Variants in ADAM18 observed in about 807,000 individuals in gnomAD.
ADAM18 encodes ADAM metallopeptidase domain 18.
In ADAM18, 117 loss-of-function variants were observed where a neutral mutation model predicts 94.4. The observed-to-expected ratio is 1.24, with a 90% CI of 1.07 to 1.45. The LOEUF is 1.45. Among genes scored for constraint, ADAM18 ranks in the 40% most tolerant of loss-of-function variants. The probability of loss-of-function intolerance (pLI) is 0.00; values close to 1 mark genes in which losing one functional copy is unlikely to be tolerated. For synonymous variants in ADAM18, 327 were observed against 291.6 expected (o/e 1.12, Z -1.24); for missense variants, 936 against 880.0 (o/e 1.06, Z -0.81).
chr8:39,632,360 T>C (rs148909725), intron 7 of ADAM18, among the ~76,000 whole-genome samples: 32 of 152,164 alleles, frequency 2.1e-4, no homozygotes, highest in Non-Finnish European at 4.3e-4. Flanking sequence ...TTTTGGTAGG[T>C]GATCTTTATA....
chr8:39,680,774 C>T (rs1389039691), intron 16 of ADAM18, among the ~76,000 whole-genome samples: 2 of 152,102 alleles, frequency 1.3e-5, no homozygotes, highest in Non-Finnish European at 2.9e-5. Flanking sequence ...GTTAATCTTG[C>T]AATATAAGGG....
intron 12 of ADAM18, among the ~76,000 whole-genome samples, chr8:39,655,774 A>G (rs1820666524): frequency 6.6e-6 from 1 of 152,086 alleles, no homozygotes; most frequent in Non-Finnish European, 1.5e-5. Context: ...GCACGTATAA[A>G]TGAATTTATC....
intron 16 of ADAM18, among the ~76,000 whole-genome samples, chr8:39,690,802 T>G (rs543073179): frequency 1.3e-5 from 2 of 152,176 alleles, no homozygotes; most frequent in African/African-American, 4.8e-5. Context: ...GTTTGGAGAT[T>G]TCTCAAAGAA....
At chr8:39,613,291 C>A (rs894321245) in intron 6 of ADAM18, among the ~76,000 whole-genome samples, 1 of 152,174 alleles carries the variant, frequency 6.6e-6, no homozygotes, top group Non-Finnish European at 1.5e-5. Flanking sequence ...AGGTACTTAA[C>A]CTTGATGGGC....
At chr8:39,626,350 G>C (rs1392445254) in intron 6 of ADAM18, among the ~76,000 whole-genome samples, 1 of 151,712 alleles carries the variant, frequency 6.6e-6, no homozygotes, top group Non-Finnish European at 1.5e-5. Context: ...TCTTTTCAAA[G>C]AACCAAGTTT....
chr8:39,607,476 G>A (rs372205890), intron 3 of ADAM18, among the ~76,000 whole-genome samples: 14 of 152,074 alleles, frequency 9.2e-5, no homozygotes, highest in African/African-American at 3.1e-4. Context: ...CTTAATTCAC[G>A]TTTACTTTTC....
In ADAM18 at chr8:39,633,456, A is replaced by G. The variant is rs113777361; in HGVS notation, c.589-3808A>G. Among the ~76,000 whole-genome samples, 7 of 152,268 alleles carry G rather than the reference A, an allele frequency of 4.6e-5. 1 individual carries two copies. The highest frequency in any genetic ancestry group is 1.7e-4 in the African/African-American group (7 of 41,566). On this transcript the variant is annotated intron_variant, in intron 7 of 19. Coordinates refer to ENST00000265707, the MANE Select transcript of ADAM18 (RefSeq NM_014237.3). ...ATTAGTGGTTATGAACAGTTTTTAG[A>G]AATTACTTAAGTGGTCATGAACAGA...
intron 10 of ADAM18, among the ~76,000 whole-genome samples, chr8:39,639,661 C>T (rs992645977): frequency 1.3e-5 from 2 of 151,980 alleles, no homozygotes; most frequent in Admixed American, 6.6e-5. Context: ...AGATTTTAAT[C>T]TTAGTTCAAT....
chr8:39,719,883 A>T (rs1179091877), intron 18 of ADAM18, among the ~76,000 whole-genome samples: 1 of 151,512 alleles, frequency 6.6e-6, no homozygotes, highest in Non-Finnish European at 1.5e-5. Flanking sequence ...CACATAAATC[A>T]GCTATTATAC....
chr8:39,699,686 A>G (rs1321325675), intron 17 of ADAM18, among the ~76,000 whole-genome samples: 7 of 152,160 alleles, frequency 4.6e-5, no homozygotes. Flanking sequence ...CTGCTGATTG[A>G]ATACAAGTGT....
intron 6 of ADAM18, among the ~76,000 whole-genome samples, chr8:39,628,537 C>T (rs1819839082): frequency 6.6e-6 from 1 of 151,958 alleles, no homozygotes; most frequent in South Asian, 2.1e-4. Flanking sequence ...AACAGAGACT[C>T]TATCCAGTAA....
intron 17 of ADAM18, among the ~76,000 whole-genome samples, chr8:39,698,455 T>C (rs1294809708): frequency 6.6e-6 from 1 of 152,034 alleles, no homozygotes; most frequent in African/African-American, 2.4e-5. Flanking sequence ...GTATTATCTT[T>C]TATTGTATTG....
chr8:39,726,255 T>G (rs1822904053), intron 19 of ADAM18, among the ~76,000 whole-genome samples: 1 of 127,728 alleles, frequency 7.8e-6, no homozygotes, highest in Non-Finnish European at 1.6e-5. Context: ...TTGTATGAGA[T>G]CTACACACAC....
At chr8:39,644,034 A>G in intron 10 of ADAM18, among the ~76,000 whole-genome samples, 1 of 151,982 alleles carries the variant, frequency 6.6e-6, no homozygotes. Context: ...TCATATTGCC[A>G]ATTCTGTGTT....
intron 2 of ADAM18, among the ~76,000 whole-genome samples, chr8:39,598,537 G>A (rs529547759): frequency 6.6e-6 from 1 of 152,174 alleles, no homozygotes; most frequent in Non-Finnish European, 1.5e-5. Flanking sequence ...AAAGGCCAAG[G>A]CAGGTGGATC....
At chr8:39,645,201 A>G in intron 10 of ADAM18, 137 bp from the exon 11 acceptor site, 2 of 709,166 alleles carry the variant, frequency 2.8e-6, no homozygotes, top group South Asian at 2.3e-5. Flanking sequence ...AATAAATGGC[A>G]TACCAAAATA....
intron 19 of ADAM18, 77 bp downstream of exon 19, chr8:39,723,984 T>A: frequency 4.6e-6 from 4 of 867,622 alleles, no homozygotes; most frequent in African/African-American, 1.8e-5. Flanking sequence ...TTATATAACA[T>A]TTGTTATATT....
At chr8:39,594,793 G>GTTTTTTTTTTTTTTTTTTTTTTTTTTA (rs71237182) in intron 2 of ADAM18, among the ~76,000 whole-genome samples, 5 of 46,870 alleles carry the variant, frequency 1.1e-4, no homozygotes, top group Non-Finnish European at 2.0e-4. Flanking sequence ...TTTGCTGTGA[G>GTTTTTTTTTTTTTTTTTTTTTTTTTTA]TTTTTTTTTT....
At chr8:39,590,906 G>A (rs1366679762) in intron 2 of ADAM18, among the ~76,000 whole-genome samples, 1 of 152,130 alleles carries the variant, frequency 6.6e-6, no homozygotes, top group Non-Finnish European at 1.5e-5. Flanking sequence ...GTTCAAAACT[G>A]AAAGTTCCAG....
Sources: gnomAD v4.1 joint callset for allele counts (sites outside exome capture counted in the v4.1 genomes callset) on GRCh38, gnomAD v4.1.1 for gene constraint, MANE v1.5 for transcripts, NCBI Gene and HGNC (gene_info 2026-07-23, HGNC 2026-07-21) for gene names.